The following IPO9 variants were observed in gnomAD, a reference collection of about 807,000 sequenced individuals.
The protein encoded by IPO9 is importin 9, also known as importin-9.
A neutral mutation model predicts 128.6 loss-of-function variants in IPO9; 28 were observed. The observed-to-expected ratio is 0.22, with a 90% CI of 0.16 to 0.30. The LOEUF (loss-of-function observed/expected upper bound fraction) is 0.30. IPO9 is among the 10% of genes least tolerant of loss of function. The pLI is 1.00. For synonymous variants in IPO9, 455 were observed against 475.8 expected, an observed-to-expected ratio of 0.96 and a Z score of 0.57; for missense variants, 935 against 1,293.9, an observed-to-expected ratio of 0.72 and a Z score of 4.26.
At chr1:201,857,502 A>T (rs939933353) in intron 11 of IPO9, among the ~76,000 whole-genome samples, 1 of 152,188 alleles carries the variant, frequency 6.6e-6, no homozygotes, top group African/African-American at 2.4e-5. Flanking sequence ...AATCAAGAAC[A>T]TTTCAGTTTA....
In IPO9 at chr1:201,832,060, C is replaced by G. The variant is rs776419903; in HGVS notation, c.163+2688C>G. Among the ~76,000 whole-genome samples the G allele has an allele frequency of 4.6e-4, 70 of 151,680 alleles. 1 individual carries two copies. Among genetic ancestry groups the G allele is most frequent in the Middle Eastern group, 6.9e-3 (2 of 290 alleles). On this transcript the variant is annotated intron_variant, in intron 1 of 23. Transcript: ENST00000361565. ...GGGATTACAGGCACCTGCCACCATGCCTGGCTAATTTTTGTATTTTTAGTA... is the reference window on the plus strand; with the variant it reads ...GGGATTACAGGCACCTGCCACCATGGCTGGCTAATTTTTGTATTTTTAGTA...
chr1:201,829,281 G>A lies in IPO9; in HGVS notation c.72G>A (p.Ala24=). ...CAGTGGCACAAGGATTAAAGGAAGC[G>A]TTAGTGGATACGCTCACCGGGATCC... ...PGPVAQGLKE[A]LVDTLTGILS... is the part of the protein sequence containing the mutation. The change falls in exon 1 of 24, where the codon GCG becomes GCA. Residue 24 remains alanine, a synonymous_variant. Coordinates refer to ENST00000361565, the MANE Select transcript of IPO9 (RefSeq NM_018085.5). 15 of 1,602,082 alleles carry A rather than the reference G, an allele frequency of 9.4e-6. No individual in the cohort carries two copies. Among genetic ancestry groups the A allele is most frequent in the Non-Finnish European group, 1.3e-5 (15 of 1,175,388 alleles).
chr1:201,845,886 C>G (rs12127375), intron 1 of IPO9, among the ~76,000 whole-genome samples: 35,670 of 152,070 alleles, frequency 0.23, 4,472 homozygotes, highest in African/African-American at 0.31. Flanking sequence ...TTACATTCTT[C>G]CTCCTCTTTT....
At chr1:201,852,440 A>G (rs542772074) in intron 5 of IPO9, among the ~76,000 whole-genome samples, 1 of 152,326 alleles carries the variant, frequency 6.6e-6, no homozygotes, top group East Asian at 1.9e-4. Context: ...AGTAGCCCCT[A>G]AGTAGATAAA....
Position 201,829,170 on chromosome 1 carries a change from G to C in IPO9, c.-40G>C, listed in dbSNP as rs1015429314. On this transcript the variant is annotated 5_prime_UTR_variant, in exon 1 of 24. Coordinates refer to ENST00000361565, the MANE Select transcript of IPO9 (RefSeq NM_018085.5). ...CGCGCGGGGGCCGTCATTCGGTGGC[G>C]GGTCCCGGCCGCGGGGCTGGCGGGC... 1.4e-6 allele frequency: 2 copies of C among 1,436,626 alleles called. No individual in the cohort carries two copies. Among genetic ancestry groups the C allele is most frequent in the African/African-American group, 3.0e-5 (2 of 67,366 alleles). The allele number at this position is 1,436,626 out of a possible 1,614,324, so 89.0% of individuals were successfully genotyped here.
chr1:201,882,603 A>G lies in IPO9; in HGVS notation c.*6549A>G, dbSNP rs1680909810. 1 of 152,148 alleles carries G rather than the reference A, an allele frequency of 6.6e-6. No homozygotes were observed. The allele number at this position is 152,148 out of a possible 1,614,324, so 9.4% of individuals were successfully genotyped here. On this transcript the variant is annotated 3_prime_UTR_variant, in exon 24 of 24. Transcript: ENST00000361565. ...CTGGCTTCCTAAAATTGAAAAGTAT[A>G]CTAGGGTTTTTAAACCTGTGTAGAA...
chr1:201,876,790 TA>T lies in IPO9; in HGVS notation c.*739del, dbSNP rs1438252845. On this transcript the variant is annotated 3_prime_UTR_variant, in exon 24 of 24. Coordinates refer to ENST00000361565, the MANE Select transcript of IPO9 (RefSeq NM_018085.5). ...AAAAATGGGGAAAAGGGATTTTTTT[TA>T]AATCCACCTGACCCAACTATATTTA... 1 of 152,768 alleles carries T rather than the reference TA, an allele frequency of 6.5e-6. No homozygotes were observed. The highest frequency in any genetic ancestry group is 2.4e-5 in the African/African-American group (1 of 41,438). 9.5% of individuals were successfully genotyped at this position (152,768 alleles called of 1,614,324 possible).
intron 4 of IPO9, among the ~76,000 whole-genome samples, chr1:201,851,243 C>T (rs568132364): frequency 1.4e-4 from 21 of 150,864 alleles, no homozygotes; most frequent in Non-Finnish European, 2.8e-4. Context: ...TCTTGAACTC[C>T]TGGCCTCAAG....
intron 23 of IPO9, 111 bp downstream of exon 23, chr1:201,875,339 C>A: frequency 1.0e-6 from 1 of 988,074 alleles, no homozygotes; most frequent in Non-Finnish European, 1.6e-6. Context: ...CCTGTAATCC[C>A]AACACTTTGG....
chr1:201,869,832 C>T (rs1346563724), intron 17 of IPO9, 114 bp downstream of exon 17: 1 of 1,285,152 alleles, frequency 7.8e-7, no homozygotes, highest in Non-Finnish European at 1.1e-6. Context: ...TTCTCAACTC[C>T]ATATTTACTT....
intron 17 of IPO9, among the ~76,000 whole-genome samples, chr1:201,869,998 A>G (rs1452734883): frequency 6.6e-6 from 1 of 152,224 alleles, no homozygotes; most frequent in Non-Finnish European, 1.5e-5. Context: ...ACTTGGGGCC[A>G]TAAGAAAGTC....
chr1:201,882,252 A>C lies in IPO9; in HGVS notation c.*6198A>C, dbSNP rs368768017. 2 of 152,108 alleles carry C rather than the reference A, an allele frequency of 1.3e-5. No homozygotes were observed. The highest frequency in any genetic ancestry group is 1.9e-4 in the East Asian group (1 of 5,180). 9.4% of individuals were successfully genotyped at this position (152,108 alleles called of 1,614,324 possible). Reference sequence around the variant, plus strand: ...CAAGAGCAGCCTGGCCAGCATGGTGAAACCCCGTCTCTACTAAAAATACAA... The same window carrying C: ...CAAGAGCAGCCTGGCCAGCATGGTGCAACCCCGTCTCTACTAAAAATACAA... On this transcript the variant is annotated 3_prime_UTR_variant, in exon 24 of 24. Coordinates refer to ENST00000361565, the MANE Select transcript of IPO9 (RefSeq NM_018085.5).
At chr1:201,850,761 T>C (rs1421505356) in intron 4 of IPO9, 1 of 152,238 alleles carries the variant, frequency 6.6e-6, no homozygotes, top group African/African-American at 2.4e-5. Flanking sequence ...TCTATCATAT[T>C]TGTTTGGACT....
intron 1 of IPO9, among the ~76,000 whole-genome samples, chr1:201,834,301 A>G (rs1267278894): frequency 1.3e-5 from 2 of 151,544 alleles, no homozygotes; most frequent in East Asian, 3.9e-4. Flanking sequence ...CTTTACAAAC[A>G]TAGTAGTTAA....
In IPO9 at chr1:201,881,598, G is replaced by A. The variant is rs41310122; in HGVS notation, c.*5544G>A. On this transcript the variant is annotated 3_prime_UTR_variant, in exon 24 of 24. Transcript: ENST00000361565. ...CAGAAATAAAGCTGGAAGGACAAGT[G>A]GGGGGCAGATTGTGAAGGATCCTTC... is the stretch of plus-strand genomic sequence containing the variant. The A allele has an allele frequency of 7.9e-3, 1,204 of 152,310 alleles. 6 individuals are homozygous for A. Among genetic ancestry groups the A allele is most frequent in the Non-Finnish European group, 0.013 (901 of 68,040 alleles). 9.4% of individuals were successfully genotyped at this position (152,310 alleles called of 1,614,324 possible). A position where few individuals can be genotyped will look rare whatever the true frequency, so the allele number is the denominator to read the frequency against.
Position 201,870,726 on chromosome 1 carries a change from T to C in IPO9, c.2277T>C (p.Thr759=), listed in dbSNP as rs1323893229. The change falls in exon 18 of 24, where the codon ACT becomes ACC. Residue 759 remains threonine, a synonymous_variant. Coordinates refer to ENST00000361565, the MANE Select transcript of IPO9 (RefSeq NM_018085.5). The surrounding 1 kb of genome is among the most constrained non-coding windows in gnomAD (Gnocchi z 4.9). ...TGGACCCCCGCACCTCAGAGTTCAC[T>C]GCGGCCTTTGTGGGCCGCCTTGTTT... ...QLLDPRTSEF[T]AAFVGRLVST... is the part of the protein sequence containing the mutation. 6.2e-7 allele frequency: 1 copy of C among 1,614,236 alleles called. No homozygotes were observed. The highest frequency in any genetic ancestry group is 1.3e-5 in the African/African-American group (1 of 75,044).
chr1:201,857,354 C>T (rs2132363), intron 11 of IPO9, among the ~76,000 whole-genome samples, 160 bp downstream of exon 11: 42,490 of 152,036 alleles, frequency 0.28, 6,179 homozygotes, highest in Non-Finnish European at 0.33. Context: ...AAATTCGAGA[C>T]TCAGAAATTC....
Position 201,870,741 on chromosome 1 carries a change from C to G in IPO9, c.2292C>G (p.Gly764=). The change falls in exon 18 of 24, where the codon GGC becomes GGG. Residue 764 remains glycine (G), a synonymous_variant. Coordinates refer to ENST00000361565, the MANE Select transcript of IPO9 (RefSeq NM_018085.5). The surrounding 1 kb of genome is among the most constrained non-coding windows in gnomAD (Gnocchi z 4.9). ...CAGAGTTCACTGCGGCCTTTGTGGG[C>G]CGCCTTGTTTCCACCCTCATCTCCA... ...RTSEFTAAFV[G]RLVSTLISKA... 6.2e-7 allele frequency: 1 copy of G among 1,614,168 alleles called. No homozygotes were observed. Among genetic ancestry groups the G allele is most frequent in the Non-Finnish European group, 8.5e-7 (1 of 1,180,042 alleles).
At chr1:201,845,032 G>GC (rs1033407432) in intron 1 of IPO9, among the ~76,000 whole-genome samples, 6 of 151,174 alleles carry the variant, frequency 4.0e-5, no homozygotes, top group African/African-American at 9.7e-5. Flanking sequence ...GGGAGGGGGG[G>GC]GCGTACAGAG....
Sources: gnomAD v4.1 joint callset for allele counts (sites outside exome capture counted in the v4.1 genomes callset) on GRCh38, gnomAD v4.1.1 for gene constraint, Gnocchi (gnomAD v3.1) non-coding constraint, MANE v1.5 for transcripts, NCBI Gene and HGNC (gene_info 2026-07-23, HGNC 2026-07-21) for gene names.